Variants in B3GALT1 observed in about 807,000 individuals in gnomAD.
B3GALT1 encodes UDP-Gal:betaGlcNAc beta 1,3-galactosyltransferase, polypeptide 1.
A neutral mutation model predicts 23.2 loss-of-function variants in B3GALT1; 10 were observed. That is an observed-to-expected ratio of 0.43 (90% CI 0.27 to 0.73). The LOEUF is 0.73. Ranked by LOEUF, B3GALT1 falls within the 30% of genes least tolerant of loss-of-function variation. The probability of loss-of-function intolerance (pLI) is 0.21; values close to 1 mark genes in which losing one functional copy is unlikely to be tolerated. For missense variants in B3GALT1, 299 were observed against 405.4 expected (o/e 0.74, Z 2.25); for synonymous variants, 156 against 141.5 (o/e 1.10, Z -0.73).
At chr2:167,614,372 A>T (rs1018045798) in intron 2 of B3GALT1, among the ~76,000 whole-genome samples, 2 of 151,598 alleles carry the variant, frequency 1.3e-5, no homozygotes, top group Non-Finnish European at 2.9e-5. Context: ...AAAAAAAAAA[A>T]CTACAAAATC....
At chr2:167,802,511 C>G (rs1688657616) in intron 3 of B3GALT1, among the ~76,000 whole-genome samples, 1 of 152,198 alleles carries the variant, frequency 6.6e-6, no homozygotes, top group Non-Finnish European at 1.5e-5. Flanking sequence ...TGTGCACCAC[C>G]AGCTCCTCGC....
intron 1 of B3GALT1, among the ~76,000 whole-genome samples, chr2:167,294,101 G>A (rs1431005435): frequency 6.6e-6 from 1 of 152,210 alleles, no homozygotes; most frequent in Non-Finnish European, 1.5e-5. Context: ...GCGGCGTAGG[G>A]CGCAGCGGGA....
intron 2 of B3GALT1, among the ~76,000 whole-genome samples, chr2:167,510,136 A>G (rs766133065): frequency 6.6e-5 from 10 of 152,196 alleles, no homozygotes; most frequent in Non-Finnish European, 2.9e-5. Flanking sequence ...AATTATGGAT[A>G]CAAGTAGTAG....
At chr2:167,307,276 T>G (rs905733325) in intron 1 of B3GALT1, among the ~76,000 whole-genome samples, 1 of 152,034 alleles carries the variant, frequency 6.6e-6, no homozygotes, top group African/African-American at 2.4e-5. Flanking sequence ...GGAATGAATG[T>G]GGTAACATTA....
chr2:167,655,598 C>T (rs980740779), intron 3 of B3GALT1, among the ~76,000 whole-genome samples: 2 of 152,098 alleles, frequency 1.3e-5, no homozygotes, highest in African/African-American at 4.8e-5. Flanking sequence ...TCAGATGGAA[C>T]GTGAGAATTC....
intron 3 of B3GALT1, among the ~76,000 whole-genome samples, chr2:167,812,781 T>G (rs916700461): frequency 6.6e-6 from 1 of 152,170 alleles, no homozygotes; most frequent in Non-Finnish European, 1.5e-5. Flanking sequence ...CAGATTATTT[T>G]TAGGGCTCCA....
At chr2:167,478,527 C>T (rs1271074483) in intron 1 of B3GALT1, among the ~76,000 whole-genome samples, 1 of 151,016 alleles carries the variant, frequency 6.6e-6, no homozygotes, top group Non-Finnish European at 1.5e-5. Flanking sequence ...AAGCAAATGG[C>T]AGTGTGAAAC....
intron 2 of B3GALT1, among the ~76,000 whole-genome samples, chr2:167,533,379 C>G (rs748486838): frequency 2.0e-5 from 3 of 151,762 alleles, no homozygotes; most frequent in Non-Finnish European, 2.9e-5. Context: ...ACATCAAATA[C>G]TTTTTAAGAA....
intron 2 of B3GALT1, among the ~76,000 whole-genome samples, chr2:167,602,664 G>GATTAAATATTT (rs1359611117): frequency 2.0e-5 from 3 of 152,300 alleles, no homozygotes; most frequent in Non-Finnish European, 4.4e-5. Context: ...TCTAGGAACA[G>GATTAAATATTT]TGGATTAAAT....
intron 3 of B3GALT1, among the ~76,000 whole-genome samples, chr2:167,673,357 A>G (rs1292106577): frequency 2.0e-5 from 3 of 152,174 alleles, no homozygotes; most frequent in Non-Finnish European, 4.4e-5. Context: ...ATTTTTAATG[A>G]TAGAAATGCA....
chr2:167,835,365 G>A (rs183258987), intron 4 of B3GALT1, among the ~76,000 whole-genome samples: 25 of 152,266 alleles, frequency 1.6e-4, no homozygotes, highest in Admixed American at 5.9e-4. Context: ...AAAAAACGGC[G>A]CACCAGGAGA....
At chr2:167,771,425 A>G (rs1217829776) in intron 3 of B3GALT1, among the ~76,000 whole-genome samples, 3 of 152,082 alleles carry the variant, frequency 2.0e-5, no homozygotes, top group Non-Finnish European at 4.4e-5. Flanking sequence ...CCCCATCTCA[A>G]TTTAAACAAA....
intron 1 of B3GALT1, among the ~76,000 whole-genome samples, chr2:167,393,370 A>C (rs1285239480): frequency 6.6e-6 from 1 of 151,972 alleles, no homozygotes; most frequent in Non-Finnish European, 1.5e-5. Flanking sequence ...CAACACCAAG[A>C]TACTCAAGAG....
At chr2:167,566,198 G>C (rs1684162414) in intron 2 of B3GALT1, among the ~76,000 whole-genome samples, 1 of 152,158 alleles carries the variant, frequency 6.6e-6, no homozygotes, top group South Asian at 2.1e-4. Context: ...CATGTCCTTT[G>C]TAGGAACATG....
chr2:167,820,463 C>T (rs751022217), intron 4 of B3GALT1, among the ~76,000 whole-genome samples: 9 of 152,144 alleles, frequency 5.9e-5, no homozygotes, highest in Non-Finnish European at 1.0e-4. Context: ...CACTTCCATG[C>T]TGGAGCATTT....
intron 1 of B3GALT1, among the ~76,000 whole-genome samples, chr2:167,383,324 C>G (rs1697871019): frequency 6.6e-6 from 1 of 151,942 alleles, no homozygotes; most frequent in African/African-American, 2.4e-5. Context: ...AAGAAAGGAG[C>G]TCCAAAGAAA....
intron 3 of B3GALT1, among the ~76,000 whole-genome samples, chr2:167,757,266 A>G (rs566235204): frequency 6.6e-6 from 1 of 152,256 alleles, no homozygotes; most frequent in Non-Finnish European, 1.5e-5. Flanking sequence ...ATAGCATCCC[A>G]GCCCACCCAT....
chr2:167,651,269 T>C (rs962880823), intron 3 of B3GALT1, among the ~76,000 whole-genome samples: 2 of 59,808 alleles, frequency 3.3e-5, no homozygotes, highest in African/African-American at 1.1e-4. Flanking sequence ...TGTGTGTGTG[T>C]GTGCGCGCAC....
chr2:167,754,980 C>G lies in B3GALT1; in HGVS notation c.-351-63692C>G, dbSNP rs113144919. Among the ~76,000 whole-genome samples, 170 of 152,272 alleles carry G rather than the reference C, an allele frequency of 1.1e-3. 1 individual carries two copies. The highest frequency in any genetic ancestry group is 2.2e-3 in the Non-Finnish European group (148 of 68,020). On this transcript the variant is annotated intron_variant, in intron 3 of 4. Coordinates refer to ENST00000392690, the MANE Select transcript of B3GALT1 (RefSeq NM_020981.4). Reference sequence around the variant, plus strand: ...GCCGAGCCATGCATTCAAGCCTTCTCTTTTGATACGTGTTTTCATTCTTGA... The same window carrying G: ...GCCGAGCCATGCATTCAAGCCTTCTGTTTTGATACGTGTTTTCATTCTTGA...
Sources: gnomAD v4.1 joint callset for allele counts (sites outside exome capture counted in the v4.1 genomes callset) on GRCh38, gnomAD v4.1.1 for gene constraint, MANE v1.5 for transcripts, NCBI Gene and HGNC (gene_info 2026-07-23, HGNC 2026-07-21) for gene names.